The following TEAD1 variants were observed in gnomAD, a reference collection of about 807,000 sequenced individuals.
The protein encoded by TEAD1 is TEA domain transcription factor 1, also known as transcriptional enhancer factor TEF-1.
TEAD1 carries 9 observed loss-of-function variants against 54.9 expected under a neutral mutation model. That is an observed-to-expected ratio of 0.16 (90% CI 0.10 to 0.29). TEAD1 has a LOEUF of 0.29. TEAD1 is among the 10% of genes least tolerant of loss of function. TEAD1 has a pLI of 1.00. For missense variants in TEAD1, 387 were observed against 535.9 expected (o/e 0.72, Z 2.74); for synonymous variants, 200 against 187.8 (o/e 1.07, Z -0.53).
At chr11:12,732,884 C>T (rs1944451273) in intron 2 of TEAD1, among the ~76,000 whole-genome samples, 1 of 152,228 alleles carries the variant, frequency 6.6e-6, no homozygotes, top group Non-Finnish European at 1.5e-5. Flanking sequence ...AGATTACCCT[C>T]TCTTTTTCTT....
At chr11:12,814,261 T>A (rs1946368133) in intron 3 of TEAD1, among the ~76,000 whole-genome samples, 1 of 152,210 alleles carries the variant, frequency 6.6e-6, no homozygotes, top group Non-Finnish European at 1.5e-5. Flanking sequence ...AGCGAGCCTC[T>A]GTCCTCAGTG....
rs544405135 is a variant in TEAD1, at chr11:12,889,999, G to C, written c.699+6874G>C. 3.3e-5 allele frequency among the ~76,000 whole-genome samples: 5 copies of C among 152,240 alleles called. No homozygotes were observed. The South Asian group carries it at 1.0e-3, about 32-fold the overall frequency. ...GGCCTCCCAAAGTGCTGGGATTACA[G>C]GTGTGAGCCACCGTGCCCAGCCAAG... On this transcript the variant is annotated intron_variant, in intron 9 of 12. Transcript: ENST00000527636.
intron 2 of TEAD1, among the ~76,000 whole-genome samples, chr11:12,678,215 T>C (rs999660734): frequency 3.3e-5 from 5 of 152,184 alleles, no homozygotes; most frequent in Non-Finnish European, 7.3e-5. Flanking sequence ...TGCAAGAAAA[T>C]GCAAGCCAAC....
At chr11:12,918,149 G>C (rs1425464542) in intron 10 of TEAD1, among the ~76,000 whole-genome samples, 2 of 151,972 alleles carry the variant, frequency 1.3e-5, no homozygotes, top group African/African-American at 4.8e-5. Flanking sequence ...TTGGGAGGGG[G>C]GACGTGTCAG....
At chr11:12,719,841 A>C (rs1016416107) in intron 2 of TEAD1, among the ~76,000 whole-genome samples, 2 of 151,058 alleles carry the variant, frequency 1.3e-5, no homozygotes, top group African/African-American at 4.8e-5. Flanking sequence ...CATTGAGGGC[A>C]TAGCCTCCTG....
chr11:12,751,383 T>C (rs1302995205), intron 2 of TEAD1, among the ~76,000 whole-genome samples: 3 of 152,132 alleles, frequency 2.0e-5, no homozygotes, highest in African/African-American at 7.2e-5. Context: ...AAACAAATCA[T>C]TCCTATGCGG....
chr11:12,936,642 A>T (rs578030027), intron 12 of TEAD1, among the ~76,000 whole-genome samples: 1 of 152,246 alleles, frequency 6.6e-6, no homozygotes, highest in East Asian at 1.9e-4. Context: ...ATATACATCT[A>T]TCATCACATT....
chr11:12,792,355 T>TAAA (rs10630085), intron 3 of TEAD1, among the ~76,000 whole-genome samples: 36,312 of 97,948 alleles, frequency 0.37, 6,363 homozygotes, highest in South Asian at 0.58. Context: ...GGGAAAATAG[T>TAAA]AAAAAAAAAA....
chr11:12,727,217 C>T (rs181267271), intron 2 of TEAD1, among the ~76,000 whole-genome samples: 9 of 152,178 alleles, frequency 5.9e-5, no homozygotes, highest in Admixed American at 1.3e-4. Context: ...TCCAGCCTGG[C>T]GACAGAAACA....
intron 2 of TEAD1, among the ~76,000 whole-genome samples, chr11:12,744,438 A>G (rs867322976): frequency 6.6e-6 from 1 of 152,230 alleles, no homozygotes; most frequent in African/African-American, 2.4e-5. Flanking sequence ...CTTAAAAATC[A>G]CAGACACAGA....
chr11:12,885,715 A>T (rs1948073540), intron 9 of TEAD1, among the ~76,000 whole-genome samples: 1 of 152,256 alleles, frequency 6.6e-6, no homozygotes, highest in African/African-American at 2.4e-5. Flanking sequence ...AAAAGAAATT[A>T]AAATAATGTG....
intron 3 of TEAD1, among the ~76,000 whole-genome samples, chr11:12,829,272 A>G (rs10765994): frequency 0.36 from 54,753 of 152,050 alleles, 10,457 homozygotes; most frequent in South Asian, 0.6. Flanking sequence ...GCCCAAGGCA[A>G]TTGTTCAAAA....
chr11:12,833,755 G>A (rs1946828467), intron 3 of TEAD1, among the ~76,000 whole-genome samples: 2 of 151,868 alleles, frequency 1.3e-5, no homozygotes, highest in South Asian at 4.2e-4. Flanking sequence ...TCCAAGTTAT[G>A]GTACCATTTT....
intron 10 of TEAD1, among the ~76,000 whole-genome samples, chr11:12,916,112 A>G (rs1424141460): frequency 2.0e-5 from 3 of 152,186 alleles, no homozygotes; most frequent in African/African-American, 4.8e-5. Flanking sequence ...AATAGACCCT[A>G]AAGTCTTTAA....
chr11:12,797,942 G>C (rs1945971154), intron 3 of TEAD1, among the ~76,000 whole-genome samples: 1 of 151,862 alleles, frequency 6.6e-6, no homozygotes, highest in South Asian at 2.1e-4. Context: ...TTTTCCTTTG[G>C]ATAATTCTCA....
At position 12,937,285 on chromosome 11, in the gene TEAD1, T is replaced by A. The variant is rs901467568; in HGVS notation, c.*63T>A. 1.6e-5 allele frequency: 21 copies of A among 1,283,352 alleles called. No homozygotes were observed. Among genetic ancestry groups the A allele is most frequent in the Admixed American group, 8.9e-5 (5 of 56,338 alleles). The allele number at this position is 1,283,352 out of a possible 1,614,324, so 79.5% of individuals were successfully genotyped here. On this transcript the variant is annotated 3_prime_UTR_variant, in exon 13 of 13. Transcript: ENST00000527636. ...CACACACATATGTGCACACACACAC[T>A]CTCTCTCCATTATCGAACGACTGAC... is the stretch of plus-strand genomic sequence containing the variant.
chr11:12,870,523 T>G (rs1243508618), intron 5 of TEAD1, among the ~76,000 whole-genome samples: 4 of 151,864 alleles, frequency 2.6e-5, no homozygotes, highest in Non-Finnish European at 5.9e-5. Context: ...TTTTGGAAAT[T>G]AAATTTATAC....
intron 2 of TEAD1, among the ~76,000 whole-genome samples, chr11:12,721,655 T>C (rs886297206): frequency 2.0e-5 from 3 of 152,208 alleles, no homozygotes; most frequent in African/African-American, 7.2e-5. Flanking sequence ...CATGGACATG[T>C]GAAATTGGAT....
intron 2 of TEAD1, among the ~76,000 whole-genome samples, chr11:12,762,498 G>A (rs561892421): frequency 6.6e-6 from 1 of 152,234 alleles, no homozygotes; most frequent in East Asian, 1.9e-4. Context: ...TTCACATTTG[G>A]CAATTTTGAA....
Sources: gnomAD v4.1 joint callset for allele counts (sites outside exome capture counted in the v4.1 genomes callset) on GRCh38, gnomAD v4.1.1 for gene constraint, MANE v1.5 for transcripts, NCBI Gene and HGNC (gene_info 2026-07-23, HGNC 2026-07-21) for gene names.